The following TACC2 variants were observed in gnomAD, a reference collection of about 807,000 sequenced individuals.
TACC2 encodes transforming acidic coiled-coil-containing protein 2.
TACC2 carries 137 observed loss-of-function variants against 227.3 expected under a neutral mutation model. The observed-to-expected ratio is 0.60, with a 90% CI of 0.52 to 0.69. TACC2 has a LOEUF of 0.69. TACC2 is among the 30% of genes least tolerant of loss of function. The pLI is 0.00. For missense variants in TACC2, 3,470 were observed against 3,694.4 expected, an observed-to-expected ratio of 0.94 and a Z score of 1.57; for synonymous variants, 1,523 against 1,487.5, an observed-to-expected ratio of 1.02 and a Z score of -0.55.
At chr10:122,109,455 C>G (rs762072920) in intron 5 of TACC2, among the ~76,000 whole-genome samples, 1 of 152,098 alleles carries the variant, frequency 6.6e-6, no homozygotes, top group African/African-American at 2.4e-5. Flanking sequence ...AACATTAACC[C>G]GGTGAGTCTT....
intron 6 of TACC2, among the ~76,000 whole-genome samples, chr10:122,134,423 C>T (rs2089106042): frequency 6.6e-6 from 1 of 152,152 alleles, no homozygotes; most frequent in Non-Finnish European, 1.5e-5. Flanking sequence ...AGGTAATCTG[C>T]CTGCCTCGGC....
intron 1 of TACC2, among the ~76,000 whole-genome samples, chr10:122,004,084 G>A (rs1954759142): frequency 6.6e-6 from 1 of 152,022 alleles, no homozygotes; most frequent in Non-Finnish European, 1.5e-5. Context: ...AGATAAGAGA[G>A]GCCTAAATTC....
chr10:122,243,947 C>T (rs2096059263), intron 19 of TACC2, among the ~76,000 whole-genome samples: 1 of 152,192 alleles, frequency 6.6e-6, no homozygotes, highest in Admixed American at 6.5e-5. Context: ...ACAGACATTC[C>T]CTCTTGAAAA....
intron 1 of TACC2, among the ~76,000 whole-genome samples, chr10:121,994,956 T>C (rs1953250158): frequency 6.6e-6 from 1 of 152,186 alleles, no homozygotes. Context: ...ATCTCTTCAT[T>C]TGTGAAATAA....
intron 1 of TACC2, among the ~76,000 whole-genome samples, chr10:121,996,252 TGCTGTGTTGCTCAG>T (rs930605986): frequency 2.0e-5 from 3 of 152,156 alleles, no homozygotes; most frequent in East Asian, 1.9e-4. Context: ...GACCGGGTCT[TGCTGTGTTGCTCAG>T]GCTGTGTTGC....
In TACC2 at chr10:122,192,801, A is replaced by G. The variant is rs1254901646; in HGVS notation, c.5835-2239A>G. On this transcript the variant is annotated intron_variant, in intron 7 of 22. Transcript: ENST00000369005. ...TTCAGGGAGACTCTGGAAAAAGGCAAGTTATCTCTGTGTATCTTGTCAGTG... is the reference window on the plus strand; with the variant it reads ...TTCAGGGAGACTCTGGAAAAAGGCAGGTTATCTCTGTGTATCTTGTCAGTG... 6 of 456,600 alleles carry G rather than the reference A, an allele frequency of 1.3e-5. 1 individual carries two copies. The highest frequency in any genetic ancestry group is 6.2e-5 in the South Asian group (4 of 64,554). 28.3% of individuals were successfully genotyped at this position (456,600 alleles called of 1,614,324 possible). A position where few individuals can be genotyped will look rare whatever the true frequency, so the allele number is the denominator to read the frequency against.
At chr10:122,189,865 G>A (rs930080356) in intron 7 of TACC2, among the ~76,000 whole-genome samples, 1 of 152,234 alleles carries the variant, frequency 6.6e-6, no homozygotes, top group African/African-American at 2.4e-5. Flanking sequence ...TCATGAATGG[G>A]CTGGTTACCT....
rs1218411493 is a variant in TACC2, at chr10:122,050,772, A to G, written c.146+222A>G. On this transcript the variant is annotated intron_variant, in intron 3 of 22. Transcript: ENST00000369005. This position sits in a 1 kb window ranked among gnomAD's most constrained non-coding sequence, Gnocchi z 4.6. ...ATCCTGATTGCCTGCCCAAAGATGA[A>G]ATTAGTAATTATAGACTTCCATTCC... 1 of 529,220 alleles carries G rather than the reference A, an allele frequency of 1.9e-6. No individual in the cohort carries two copies. The highest frequency in any genetic ancestry group is 2.8e-5 in the South Asian group (1 of 35,626). 32.8% of individuals were successfully genotyped at this position (529,220 alleles called of 1,614,324 possible). A position where few individuals can be genotyped will look rare whatever the true frequency, so the allele number is the denominator to read the frequency against.
intron 8 of TACC2, among the ~76,000 whole-genome samples, chr10:122,199,712 A>G (rs1214111545): frequency 1.3e-5 from 2 of 152,164 alleles, no homozygotes; most frequent in Non-Finnish European, 2.9e-5. Context: ...CACGGCTATC[A>G]ACGTAACCAT....
At chr10:122,121,916 A>G (rs1056672595) in intron 5 of TACC2, among the ~76,000 whole-genome samples, 6 of 152,154 alleles carry the variant, frequency 3.9e-5, no homozygotes, top group Admixed American at 6.5e-5. Flanking sequence ...GACAGGAGCT[A>G]TGGCATGCCC....
chr10:122,187,844 A>G (rs1431600931), intron 7 of TACC2, among the ~76,000 whole-genome samples: 1 of 152,176 alleles, frequency 6.6e-6, no homozygotes, highest in Non-Finnish European at 1.5e-5. Flanking sequence ...TCAGAGCTGC[A>G]ATAATAATGG....
intron 1 of TACC2, among the ~76,000 whole-genome samples, chr10:122,018,124 A>T (rs533382830): frequency 1.3e-4 from 20 of 151,168 alleles, no homozygotes; most frequent in African/African-American, 4.4e-4. Flanking sequence ...CCCGCTTCTC[A>T]CCCCCATCCC....
chr10:122,203,189 G>A (rs1228413108), intron 8 of TACC2, among the ~76,000 whole-genome samples: 7 of 152,178 alleles, frequency 4.6e-5, no homozygotes, highest in Non-Finnish European at 7.3e-5. Context: ...CCTCCCAGAC[G>A]GGGTGGTGGC....
chr10:122,126,316 C>CTGTGTGTGTGTGTGTGTGTGTGTGTGTG lies in TACC2; in HGVS notation c.5574-6289_5574-6262dup, dbSNP rs3037067. 1.1e-4 allele frequency among the ~76,000 whole-genome samples: 15 copies of CTGTGTGTGTGTGTGTGTGTGTGTGTGTG among 142,018 alleles called. 1 individual carries two copies. The highest frequency in any genetic ancestry group is 4.9e-4 in the South Asian group (2 of 4,114). 93.2% of individuals were successfully genotyped at this position (142,018 alleles called of 152,430 possible). A position where few individuals can be genotyped will look rare whatever the true frequency, so the allele number is the denominator to read the frequency against. ...TTATTCCATGGGTTATAATCCAGAA[C>CTGTGTGTGTGTGTGTGTGTGTGTGTGTG]TGTGTGTGTGTGTGTGTGTGTGTGT... On this transcript the variant is annotated intron_variant, in intron 5 of 22. Coordinates refer to ENST00000369005, the MANE Select transcript of TACC2 (RefSeq NM_206862.4).
At chr10:122,142,339 G>GGATGTGGCA (rs1379899604) in intron 6 of TACC2, among the ~76,000 whole-genome samples, 2 of 152,368 alleles carry the variant, frequency 1.3e-5, no homozygotes, top group East Asian at 3.9e-4. Flanking sequence ...ATCCTGCGGT[G>GGATGTGGCA]GATGTGGCAG....
Position 122,226,371 on chromosome 10 carries a change from C to T in TACC2, c.7614C>T (p.Asp2538=), listed in dbSNP as rs771056377. The T allele has an allele frequency of 2.5e-6, 4 of 1,613,170 alleles. No homozygotes were observed. The highest frequency in any genetic ancestry group is 1.7e-5 in the Admixed American group (1 of 59,982). Reference sequence around the variant, plus strand: ...TGTGATTTTGATCCCTGCAGCAGGACGACGATGCCCCGAAGAAGCAGGCCT... The same window carrying T: ...TGTGATTTTGATCCCTGCAGCAGGATGACGATGCCCCGAAGAAGCAGGCCT... ...MEKIGSSLPQ[D]DDAPKKQALY... is the part of the protein sequence containing the mutation. The change falls in exon 13 of 23, where the codon GAC becomes GAT. Residue 2538 remains aspartate, a synonymous_variant. Transcript: ENST00000369005.
chr10:122,148,206 C>G (rs2091635724), intron 7 of TACC2, among the ~76,000 whole-genome samples: 1 of 151,118 alleles, frequency 6.6e-6, no homozygotes, highest in Non-Finnish European at 1.5e-5. Flanking sequence ...CGGGTTTAAG[C>G]AGTTCTCCTG....
chr10:122,004,617 C>T (rs778313031), intron 1 of TACC2, among the ~76,000 whole-genome samples: 1 of 152,102 alleles, frequency 6.6e-6, no homozygotes. Flanking sequence ...CACAGGAGGA[C>T]CTTTTTTCCA....
chr10:122,092,489 A>C (rs1365561067), intron 5 of TACC2, among the ~76,000 whole-genome samples: 1 of 152,240 alleles, frequency 6.6e-6, no homozygotes, highest in African/African-American at 2.4e-5. Context: ...CAATTTGAAT[A>C]GGGCTGATAT....
Sources: gnomAD v4.1 joint callset for allele counts (sites outside exome capture counted in the v4.1 genomes callset) on GRCh38, gnomAD v4.1.1 for gene constraint, Gnocchi (gnomAD v3.1) non-coding constraint, MANE v1.5 for transcripts, NCBI Gene and HGNC (gene_info 2026-07-23, HGNC 2026-07-21) for gene names.